Variants in EXOSC4 observed in about 807,000 individuals in gnomAD.
EXOSC4 encodes exosome complex component RRP41.
EXOSC4 carries 14 observed loss-of-function variants against 20.0 expected under a neutral mutation model. The observed-to-expected ratio is 0.70, with a 90% CI of 0.46 to 1.09. The LOEUF (loss-of-function observed/expected upper bound fraction) is 1.09. Among genes scored for constraint, EXOSC4 ranks in the 50% least tolerant of loss-of-function variants. The probability of loss-of-function intolerance (pLI) is 0.00; values close to 1 mark genes in which losing one functional copy is unlikely to be tolerated. For missense variants in EXOSC4, 337 were observed against 334.0 expected, an observed-to-expected ratio of 1.01 and a Z score of -0.07; for synonymous variants, 148 against 146.4, an observed-to-expected ratio of 1.01 and a Z score of -0.08.
At chr8:144,067,354 T>C in the EXOSC4 span, among the ~76,000 whole-genome samples, 2 of 152,254 alleles carry the variant, frequency 1.3e-5, no homozygotes, top group Admixed American at 6.5e-5. Flanking sequence ...TTCCAAAGGA[T>C]GGGTCTCTTT....
the EXOSC4 span, among the ~76,000 whole-genome samples, chr8:144,066,303 G>A: frequency 6.6e-6 from 1 of 151,634 alleles, no homozygotes; most frequent in South Asian, 2.1e-4. Flanking sequence ...ACAGGCGTGA[G>A]CCACTGCACC....
chr8:144,066,755 G>A, the EXOSC4 span, among the ~76,000 whole-genome samples: 140 of 152,138 alleles, frequency 9.2e-4, no homozygotes, highest in Admixed American at 6.9e-3. Context: ...CTGGCCTGGA[G>A]TAGAGTATTT....
At chr8:144,071,284 C>T in the EXOSC4 span, among the ~76,000 whole-genome samples, 1 of 59,194 alleles carries the variant, frequency 1.7e-5, no homozygotes, top group South Asian at 9.6e-4. Context: ...CCCCTCCCCT[C>T]CTCCGCTCCC....
chr8:144,067,152 G>A, the EXOSC4 span, among the ~76,000 whole-genome samples: 8 of 152,178 alleles, frequency 5.3e-5, no homozygotes, highest in Admixed American at 1.3e-4. Context: ...CACACACTCC[G>A]AAAGCCAGAG....
the EXOSC4 span, among the ~76,000 whole-genome samples, chr8:144,073,394 A>G: frequency 1.3e-5 from 2 of 152,044 alleles, no homozygotes; most frequent in African/African-American, 2.4e-5. Context: ...TCAAAAAACA[A>G]TAACAAAGAC....
At chr8:144,067,426 G>C in the EXOSC4 span, among the ~76,000 whole-genome samples, 11 of 152,290 alleles carry the variant, frequency 7.2e-5, no homozygotes, top group East Asian at 2.1e-3. Context: ...CCACTGCTGG[G>C]GGAGTCTCAG....
At chr8:144,065,992 T>TG in the EXOSC4 span, among the ~76,000 whole-genome samples, 2 of 150,516 alleles carry the variant, frequency 1.3e-5, no homozygotes, top group South Asian at 2.1e-4. Flanking sequence ...TTTGTTTTTT[T>TG]TTTTTGGTAG....
upstream of EXOSC4, among the ~76,000 whole-genome samples, chr8:144,077,717 T>C (rs782501443): frequency 5.9e-5 from 9 of 152,158 alleles, no homozygotes; most frequent in Non-Finnish European, 1.2e-4. Context: ...GTCCTAAAAA[T>C]ACCATGCACA....
chr8:144,076,684 T>C (rs952162092), upstream of EXOSC4, among the ~76,000 whole-genome samples: 2 of 152,204 alleles, frequency 1.3e-5, no homozygotes, highest in African/African-American at 4.8e-5. Context: ...AAGACCAACA[T>C]CGTCCTCATT....
upstream of EXOSC4, among the ~76,000 whole-genome samples, chr8:144,075,729 G>A (rs1210078617): frequency 6.6e-6 from 1 of 152,218 alleles, no homozygotes; most frequent in Non-Finnish European, 1.5e-5. Context: ...TCTTAAGAGA[G>A]CATCAGAGAA....
upstream of EXOSC4, chr8:144,078,294 G>A: frequency 6.4e-6 from 1 of 157,380 alleles, no homozygotes; most frequent in African/African-American, 2.4e-5. The surrounding 1 kb of genome is among the most constrained non-coding windows in gnomAD (Gnocchi z 4.7). Context: ...TTCACACTTG[G>A]GGCGCGGGGA....
At chr8:144,069,415 G>A in the EXOSC4 span, among the ~76,000 whole-genome samples, 508 of 152,368 alleles carry the variant, frequency 3.3e-3, 4 homozygotes, top group African/African-American at 0.012. Flanking sequence ...GAAAGCAGGT[G>A]CCCTGCCTCT....
chr8:144,072,700 C>A, the EXOSC4 span, among the ~76,000 whole-genome samples: 2 of 152,194 alleles, frequency 1.3e-5, no homozygotes, highest in Non-Finnish European at 2.9e-5. Flanking sequence ...ACATAATAAC[C>A]TCCAGGGTGA....
chr8:144,076,012 C>G (rs184163894), upstream of EXOSC4, among the ~76,000 whole-genome samples: 52 of 152,252 alleles, frequency 3.4e-4, 1 homozygote, highest in African/African-American at 1.1e-3. Context: ...TTCATGGTTC[C>G]CCCACTCTCT....
chr8:144,079,744 G>C, intron 1 of EXOSC4, 199 bp from the exon 2 acceptor site: 1 of 709,528 alleles, frequency 1.4e-6, no homozygotes, highest in Non-Finnish European at 2.6e-6. Flanking sequence ...GGCAAGGATG[G>C]ACACAAGGAA....
At chr8:144,077,210 A>C (rs1410487071), upstream of EXOSC4, among the ~76,000 whole-genome samples, 1 of 152,180 alleles carries the variant, frequency 6.6e-6, no homozygotes, top group Non-Finnish European at 1.5e-5. Context: ...GTGCCACGGC[A>C]CTCTAGCCTG....
rs782799057 is a variant in EXOSC4 at position 144,080,133 on chromosome 8, T to C, written c.362T>C (p.Ile121Thr). The C allele has an allele frequency of 3.7e-6, 6 of 1,612,572 alleles. No individual in the cohort carries two copies. The Admixed American group carries it at 6.7e-5, about 18-fold the overall frequency. Residue 121 changes from isoleucine to threonine, a missense_variant, in exon 2 of 3, where the codon ATT becomes ACT. Physicochemically the swap from Ile to Thr is moderately conservative, Grantham distance 89. Transcript: ENST00000316052. This position sits in a 1 kb window ranked among gnomAD's most constrained non-coding sequence, Gnocchi z 4.9. ...ILTQLHPRSQ[I>T]DIYVQVLQAD... is the part of the protein sequence containing the mutation. ...ACACAGCTGCACCCACGCTCCCAGA[T>C]TGATATCTATGTGCAGGTGAGCCAG...
chr8:144,078,972 G>A lies in EXOSC4; in HGVS notation c.171+73G>A, dbSNP rs1564301865. Reference sequence around the variant, plus strand: ...GGGCAGCCGGGCTGAGCGCTGGCTCGGGGACTTGAGGGGCAACGGCCGGCG... The same window carrying A: ...GGGCAGCCGGGCTGAGCGCTGGCTCAGGGACTTGAGGGGCAACGGCCGGCG... On this transcript the variant is annotated intron_variant, in intron 1 of 2. Transcript: ENST00000316052. The surrounding 1 kb of genome is among the most constrained non-coding windows in gnomAD (Gnocchi z 4.7). The A allele has an allele frequency of 1.5e-6, 2 of 1,355,330 alleles. No homozygotes were observed. Among genetic ancestry groups the A allele is most frequent in the East Asian group, 6.0e-5 (2 of 33,298 alleles). 84.0% of individuals were successfully genotyped at this position (1,355,330 alleles called of 1,614,324 possible). A position where few individuals can be genotyped will look rare whatever the true frequency, so the allele number is the denominator to read the frequency against.
chr8:144,078,624 G>C (rs576410912), upstream of EXOSC4: 4 of 1,241,548 alleles, frequency 3.2e-6, no homozygotes, highest in East Asian at 9.5e-5. This position sits in a 1 kb window ranked among gnomAD's most constrained non-coding sequence, Gnocchi z 4.7. Flanking sequence ...AAGTGATGGC[G>C]GACCTCCGGA....
Sources: gnomAD v4.1 joint callset for allele counts (sites outside exome capture counted in the v4.1 genomes callset) on GRCh38, gnomAD v4.1.1 for gene constraint, Gnocchi (gnomAD v3.1) non-coding constraint, MANE v1.5 for transcripts, NCBI Gene and HGNC (gene_info 2026-07-23, HGNC 2026-07-21) for gene names.